Variants in SPG7 observed in about 807,000 individuals in gnomAD.
The protein encoded by SPG7 is SPG7 matrix AAA peptidase subunit, paraplegin.
In SPG7, 103 loss-of-function variants were observed where a neutral mutation model predicts 81.9. That is an observed-to-expected ratio of 1.26 (90% CI 1.07 to 1.48). The LOEUF (loss-of-function observed/expected upper bound fraction) is 1.48, where lower values mean the gene tolerates loss of function less well. SPG7 is among the 40% of genes most tolerant of loss of function. The probability of loss-of-function intolerance (pLI) is 0.00; values close to 1 mark genes in which losing one functional copy is unlikely to be tolerated. For synonymous variants in SPG7, 534 were observed against 444.2 expected (o/e 1.20, Z -2.54); for missense variants, 1,241 against 1,087.3 (o/e 1.14, Z -1.99).
At chr16:89,545,857 T>C (rs2058557360) in intron 10 of SPG7, 1 of 421,926 alleles carries the variant, frequency 2.4e-6, no homozygotes, top group Non-Finnish European at 4.7e-6. Flanking sequence ...TTTTAATTTT[T>C]CTTTCAATTT....
chr16:89,526,944 CCG>C (rs2058271577), intron 5 of SPG7: 1 of 230,036 alleles, frequency 4.3e-6, no homozygotes, highest in African/African-American at 2.4e-5. Flanking sequence ...GTCTCAGCCC[CCG>C]ACGTAGGATG....
chr16:89,553,601 G>A (rs1037649883), intron 14 of SPG7, 193 bp from the exon 15 acceptor site: 7 of 604,626 alleles, frequency 1.2e-5, no homozygotes, highest in East Asian at 2.8e-5. Context: ...AGAGCATTTC[G>A]GAAAGTTTTA....
Position 89,513,047 on chromosome 16 carries a change from T to C in SPG7, c.376+10T>C. The C allele has an allele frequency of 6.3e-7, 1 of 1,597,734 alleles. No homozygotes were observed. The highest frequency in any genetic ancestry group is 1.1e-5 in the South Asian group (1 of 89,848). ...CCTGAAGAGGACGAAGGTATATTCA[T>C]CTGATGTTCTTCAGTCAGTAGCTGC... On this transcript the variant is annotated intron_variant, in intron 3 of 16. Coordinates refer to ENST00000645818, the MANE Select transcript of SPG7 (RefSeq NM_003119.4).
chr16:89,531,056 T>A (rs1478048023), intron 7 of SPG7: 1 of 594,660 alleles, frequency 1.7e-6, no homozygotes, highest in Non-Finnish European at 3.0e-6. Context: ...TTAGCCGTCC[T>A]GGGCCCTTCA....
rs762178043 is a variant in SPG7, at chr16:89,532,069, AGGTGCTGTGGTTG to A, written c.1150+6_1150+18del. The A allele has an allele frequency of 6.2e-7, 1 of 1,604,940 alleles. No individual in the cohort carries two copies. Among genetic ancestry groups the A allele is most frequent in the East Asian group, 2.2e-5 (1 of 44,478 alleles). On this transcript the variant is annotated splice_donor_5th_base_variant and intron_variant, in intron 8 of 16. Transcript: ENST00000645818. The stretch of plus-strand genomic sequence containing the variant: ...AGAGTTCGTGGAGGTCATTGGAGGT[AGGTGCTGTGGTTG>A]GGGGCTGTGGGTGGGCTTGGCTGAC...
At chr16:89,535,722 A>G (rs949117578) in intron 9 of SPG7, among the ~76,000 whole-genome samples, 1 of 152,176 alleles carries the variant, frequency 6.6e-6, no homozygotes, top group African/African-American at 2.4e-5. Flanking sequence ...CTGCTGGGAG[A>G]GCTGCCCTGT....
At chr16:89,550,334 A>G (rs913063087) in intron 12 of SPG7, 160 bp from the exon 13 acceptor site, 10 of 638,340 alleles carry the variant, frequency 1.6e-5, no homozygotes, top group African/African-American at 9.0e-5. Flanking sequence ...CATCACACCT[A>G]GCTAATTTTT....
chr16:89,508,692 C>T (rs1326711290), intron 1 of SPG7, 92 bp downstream of exon 1: 9 of 1,292,554 alleles, frequency 7.0e-6, no homozygotes, highest in African/African-American at 1.5e-5. Context: ...CGCCTGGCCC[C>T]TGCGGCGGGG....
intron 16 of SPG7, chr16:89,555,237 T>G (rs1451397904): frequency 6.6e-6 from 1 of 152,640 alleles, no homozygotes; most frequent in Non-Finnish European, 1.5e-5. Flanking sequence ...CGCGTCACCA[T>G]GCCCAGCTAA....
chr16:89,512,339 G>T (rs537397185), intron 2 of SPG7, among the ~76,000 whole-genome samples: 85 of 151,980 alleles, frequency 5.6e-4, no homozygotes, highest in East Asian at 2.5e-3. Context: ...TTTGTGAGTC[G>T]GAGTCTTGCT....
chr16:89,535,477 C>A (rs914807744), intron 9 of SPG7, among the ~76,000 whole-genome samples: 3 of 152,214 alleles, frequency 2.0e-5, no homozygotes, highest in Non-Finnish European at 4.4e-5. Flanking sequence ...GCTTGTCCCC[C>A]GTGTCTCCAG....
intron 5 of SPG7, chr16:89,528,950 T>G: frequency 5.3e-6 from 1 of 188,466 alleles, no homozygotes; most frequent in South Asian, 9.6e-5. Context: ...TAGCTGGGAT[T>G]GCAGACGCAT....
chr16:89,516,133 A>C (rs138946554), intron 3 of SPG7, among the ~76,000 whole-genome samples: 212 of 152,196 alleles, frequency 1.4e-3, no homozygotes, highest in African/African-American at 4.8e-3. Context: ...GATCACAGGC[A>C]TGCAACACCA....
chr16:89,552,783 C>G (rs911637562), intron 13 of SPG7, 196 bp from the exon 14 acceptor site: 10 of 628,304 alleles, frequency 1.6e-5, no homozygotes, highest in Non-Finnish European at 2.9e-5. Context: ...TGTGAACAGG[C>G]ACCTGTGGTG....
intron 2 of SPG7, among the ~76,000 whole-genome samples, chr16:89,511,130 A>G (rs887854036): frequency 2.0e-5 from 3 of 152,184 alleles, no homozygotes; most frequent in South Asian, 2.1e-4. Context: ...GAGCCACCGC[A>G]TCTGGCCAAG....
chr16:89,526,777 C>T (rs932101882), intron 5 of SPG7: 8 of 373,680 alleles, frequency 2.1e-5, no homozygotes, highest in East Asian at 2.0e-4. Context: ...TCTCAGCCCC[C>T]GACGTAAGAT....
At chr16:89,546,293 C>T in intron 10 of SPG7, 1 of 332,970 alleles carries the variant, frequency 3.0e-6, no homozygotes, top group South Asian at 2.4e-5. Context: ...ACCGTGTTGG[C>T]CAGACTGCCC....
rs1456738819 is a variant in SPG7 at position 89,532,081 on chromosome 16, T to C, written c.1150+15T>C. The C allele has an allele frequency of 6.2e-7, 1 of 1,609,464 alleles. No homozygotes were observed. The highest frequency in any genetic ancestry group is 8.5e-7 in the Non-Finnish European group (1 of 1,179,280). Reference sequence around the variant, plus strand: ...GGTCATTGGAGGTAGGTGCTGTGGTTGGGGGCTGTGGGTGGGCTTGGCTGA... The same window carrying C: ...GGTCATTGGAGGTAGGTGCTGTGGTCGGGGGCTGTGGGTGGGCTTGGCTGA... On this transcript the variant is annotated intron_variant, in intron 8 of 16. Coordinates refer to ENST00000645818, the MANE Select transcript of SPG7 (RefSeq NM_003119.4).
rs1354613593 is a variant in SPG7, at chr16:89,532,506, A to G, written c.1194A>G (p.Arg398=). The part of the protein sequence containing the change: ...ARVRSLFKEA[R]ARAPCIVYID... Reference sequence around the variant, plus strand: ...TGCGGAGCCTCTTTAAGGAAGCCCGAGCCCGGGCCCCCTGCATCGTCTACA... The same window carrying G: ...TGCGGAGCCTCTTTAAGGAAGCCCGGGCCCGGGCCCCCTGCATCGTCTACA... Residue 398 remains arginine (R), a synonymous_variant, in exon 9 of 17, where the codon CGA becomes CGG. Transcript: ENST00000645818. 2 of 1,613,550 alleles carry G rather than the reference A, an allele frequency of 1.2e-6. No individual in the cohort carries two copies. The highest frequency in any genetic ancestry group is 2.2e-5 in the East Asian group (1 of 44,870).
Sources: gnomAD v4.1 joint callset for allele counts (sites outside exome capture counted in the v4.1 genomes callset) on GRCh38, gnomAD v4.1.1 for gene constraint, MANE v1.5 for transcripts, NCBI Gene and HGNC (gene_info 2026-07-23, HGNC 2026-07-21) for gene names.